The following ACSL5 variants were observed in gnomAD, a reference collection of about 807,000 sequenced individuals.
The protein encoded by ACSL5 is long-chain-fatty-acid--CoA ligase 5.
A neutral mutation model predicts 84.9 loss-of-function variants in ACSL5; 50 were observed. The observed-to-expected ratio is 0.59, with a 90% CI of 0.47 to 0.75. The LOEUF is 0.75. Among genes scored for constraint, ACSL5 ranks in the 30% least tolerant of loss-of-function variants. The probability of loss-of-function intolerance (pLI) is 0.00; values close to 1 mark genes in which losing one functional copy is unlikely to be tolerated. For missense variants in ACSL5, 775 were observed against 830.4 expected (o/e 0.93, Z 0.82); for synonymous variants, 280 against 300.7 (o/e 0.93, Z 0.71).
chr10:112,394,768 A>G (rs1198928894), intron 1 of ACSL5, 150 bp from the exon 2 acceptor site: 1 of 1,469,532 alleles, frequency 6.8e-7, no homozygotes, highest in East Asian at 2.4e-5. Context: ...TTCTGCCACT[A>G]GAGAGGTACA....
chr10:112,405,782 G>C (rs537289558), intron 5 of ACSL5, among the ~76,000 whole-genome samples: 1 of 152,058 alleles, frequency 6.6e-6, no homozygotes, highest in African/African-American at 2.4e-5. Flanking sequence ...CACATATTTT[G>C]TATGTTATAT....
At chr10:112,409,789 G>GGA in intron 7 of ACSL5, 104 bp downstream of exon 7, 1 of 1,162,916 alleles carries the variant, frequency 8.6e-7, no homozygotes, top group Non-Finnish European at 1.3e-6. Flanking sequence ...CTCCAGGGGT[G>GGA]GCACGTGAGG....
chr10:112,410,749 G>A, intron 9 of ACSL5, 114 bp downstream of exon 9: 1 of 1,069,832 alleles, frequency 9.3e-7, no homozygotes, highest in Non-Finnish European at 1.3e-6. Context: ...ATACTTAGGG[G>A]CTCACAGCCT....
In ACSL5 at chr10:112,425,724, GGTAATGATTCA is replaced by G. The variant is rs1391285265; in HGVS notation, c.1737+248_1737+258del. On this transcript the variant is annotated intron_variant, in intron 18 of 20. Coordinates refer to ENST00000354655, the MANE Select transcript of ACSL5 (RefSeq NM_203379.2). ...ATTGTTTAGAATGGCTATACTAAAA[GGTAATGATTCA>G]GTAAAAAATGAGCTCCACATTGCAC... 1.1e-5 allele frequency: 4 copies of G among 360,268 alleles called. No homozygotes were observed. The Admixed American group carries it at 1.8e-4, about 16-fold the overall frequency. 22.3% of individuals were successfully genotyped at this position (360,268 alleles called of 1,614,324 possible). A position where few individuals can be genotyped will look rare whatever the true frequency, so the allele number is the denominator to read the frequency against.
At chr10:112,413,551 C>A (rs904887297) in intron 12 of ACSL5, among the ~76,000 whole-genome samples, 1 of 152,052 alleles carries the variant, frequency 6.6e-6, no homozygotes, top group African/African-American at 2.4e-5. Flanking sequence ...CATGGTGAAA[C>A]CCTGTATCTA....
At chr10:112,399,491 C>T (rs562967955) in intron 3 of ACSL5, among the ~76,000 whole-genome samples, 1 of 152,326 alleles carries the variant, frequency 6.6e-6, no homozygotes, top group East Asian at 1.9e-4. Context: ...CTGATACCAT[C>T]CTACTGACCA....
chr10:112,416,798 T>C, intron 12 of ACSL5, 90 bp from the exon 13 acceptor site: 1 of 1,428,410 alleles, frequency 7.0e-7, no homozygotes, highest in Non-Finnish European at 9.7e-7. Context: ...CACTTCCTTA[T>C]AAAGCTAGAA....
In ACSL5 at chr10:112,411,559, A is replaced by T. The variant is rs554672611; in HGVS notation, c.870+30A>T. On this transcript the variant is annotated intron_variant, in intron 10 of 20. Coordinates refer to ENST00000354655, the MANE Select transcript of ACSL5 (RefSeq NM_203379.2). ...GTGGTCAGTTGAAAAAGAGGCTCTC[A>T]TTAAAATGTGAATCTGTCATAAGAT... 29 of 1,586,596 alleles carry T rather than the reference A, an allele frequency of 1.8e-5. No individual in the cohort carries two copies. The East Asian group carries it at 6.0e-4, about 33-fold the overall frequency.
chr10:112,408,885 A>G (rs933993631), intron 6 of ACSL5: 1 of 187,814 alleles, frequency 5.3e-6, no homozygotes, highest in Admixed American at 5.4e-5. Context: ...TTGTAAATCC[A>G]AGTCAATACA....
In ACSL5 at chr10:112,409,613, C is replaced by A; in HGVS notation, c.639C>A (p.Asp213Glu). The A allele has an allele frequency of 4.3e-6, 7 of 1,614,106 alleles. No homozygotes were observed. The highest frequency in any genetic ancestry group is 5.9e-6 in the Non-Finnish European group (7 of 1,179,990). The change falls in exon 7 of 21, where the codon GAC becomes GAA. Residue 213 changes from aspartate (D) to glutamate (E), a missense_variant. By Grantham distance (45) the Asp-to-Glu change is conservative. Transcript: ENST00000354655. ...GCCTGAAGGTGATCATCCTTATGGA[C>A]CCCTTTGATGATGACCTGAAGCAAA... ...TPSLKVIILM[D>E]PFDDDLKQRG...
chr10:112,391,464 A>C (rs1234622397), intron 1 of ACSL5, among the ~76,000 whole-genome samples: 1 of 152,128 alleles, frequency 6.6e-6, no homozygotes, highest in Non-Finnish European at 1.5e-5. Context: ...TAAGCAAGCT[A>C]TTTCCATTGA....
intron 12 of ACSL5, 44 bp downstream of exon 12, chr10:112,413,351 C>A (rs375630046): frequency 8.1e-6 from 13 of 1,607,482 alleles, no homozygotes; most frequent in Non-Finnish European, 9.4e-6. Flanking sequence ...CTTGGGCCTG[C>A]ACGAAGGAAC....
At chr10:112,399,185 C>T (rs537360982) in intron 3 of ACSL5, among the ~76,000 whole-genome samples, 176 bp downstream of exon 3, 1 of 152,320 alleles carries the variant, frequency 6.6e-6, no homozygotes, top group Non-Finnish European at 1.5e-5. Flanking sequence ...GCGTTGGAAC[C>T]AGTGTCAGAC....
At chr10:112,412,029 C>A in intron 11 of ACSL5, 50 bp downstream of exon 11, 1 of 1,509,902 alleles carries the variant, frequency 6.6e-7, no homozygotes, top group Non-Finnish European at 9.2e-7. Context: ...TCCTGACTTG[C>A]TATCACATGT....
chr10:112,410,367 A>C (rs1333063828), intron 7 of ACSL5, 96 bp from the exon 8 acceptor site: 4 of 1,590,098 alleles, frequency 2.5e-6, no homozygotes, highest in Non-Finnish European at 3.4e-6. Context: ...ATTCCCATAG[A>C]GATGTTCTCA....
chr10:112,402,701 G>T (rs1843936641), intron 3 of ACSL5, among the ~76,000 whole-genome samples: 1 of 151,930 alleles, frequency 6.6e-6, no homozygotes, highest in South Asian at 2.1e-4. Flanking sequence ...CCATCTCTTA[G>T]TCTAGAAGTC....
At chr10:112,395,521 C>T (rs1200936057) in intron 2 of ACSL5, among the ~76,000 whole-genome samples, 1 of 152,154 alleles carries the variant, frequency 6.6e-6, no homozygotes, top group Non-Finnish European at 1.5e-5. Context: ...AGTGTCAGAA[C>T]TTTGGGGACA....
chr10:112,417,111 C>A, intron 13 of ACSL5, 89 bp downstream of exon 13: 1 of 1,429,966 alleles, frequency 7.0e-7, no homozygotes, highest in Non-Finnish European at 9.5e-7. Context: ...GCTGCTTGAG[C>A]GTCACTTTAA....
chr10:112,424,688 A>C (rs1465432189), intron 17 of ACSL5: 1 of 152,208 alleles, frequency 6.6e-6, no homozygotes, highest in South Asian at 2.1e-4. Flanking sequence ...TTAGGGTGTT[A>C]GCATGTGGAT....
Sources: allele counts gnomAD v4.1 joint callset (sites outside exome capture counted in the v4.1 genomes callset), GRCh38; gene constraint gnomAD v4.1.1; transcripts MANE v1.5; gene names NCBI Gene and HGNC (gene_info 2026-07-23, HGNC 2026-07-21).